The following GRID1 variants were observed in gnomAD, a reference collection of about 807,000 sequenced individuals.
GRID1 encodes glutamate ionotropic receptor delta type subunit 1, also known as glutamate receptor ionotropic, delta-1.
A neutral mutation model predicts 98.0 loss-of-function variants in GRID1; 28 were observed. That is an observed-to-expected ratio of 0.29 (90% CI 0.21 to 0.39). GRID1 has a LOEUF of 0.39. Ranked by LOEUF, GRID1 falls within the 10% of genes least tolerant of loss-of-function variation. The probability of loss-of-function intolerance (pLI) is 1.00; values close to 1 mark genes in which losing one functional copy is unlikely to be tolerated. For synonymous variants in GRID1, 553 were observed against 538.5 expected, an observed-to-expected ratio of 1.03 and a Z score of -0.37; for missense variants, 1,111 against 1,340.5, an observed-to-expected ratio of 0.83 and a Z score of 2.67.
At chr10:85,677,984 G>C (rs954320460) in intron 12 of GRID1, among the ~76,000 whole-genome samples, 1 of 152,038 alleles carries the variant, frequency 6.6e-6, no homozygotes, top group Non-Finnish European at 1.5e-5. Flanking sequence ...CAGAAGAAGG[G>C]ATTTAACTGG....
At chr10:85,824,684 C>T (rs1408548995) in intron 8 of GRID1, among the ~76,000 whole-genome samples, 1 of 152,070 alleles carries the variant, frequency 6.6e-6, no homozygotes, top group Non-Finnish European at 1.5e-5. Flanking sequence ...TTTTATCCCT[C>T]ACCACCCCCC....
intron 15 of GRID1, among the ~76,000 whole-genome samples, chr10:85,609,339 G>T (rs1842707668): frequency 6.6e-6 from 1 of 152,220 alleles, no homozygotes; most frequent in South Asian, 2.1e-4. Context: ...TTTGGATAGA[G>T]TAGCCCCTTG....
At chr10:86,274,713 G>C (rs568168646) in intron 2 of GRID1, among the ~76,000 whole-genome samples, 7 of 151,792 alleles carry the variant, frequency 4.6e-5, no homozygotes, top group South Asian at 2.1e-4. Context: ...CTCTCTGTTT[G>C]TCTGTTATTG....
intron 12 of GRID1, among the ~76,000 whole-genome samples, chr10:85,710,685 G>T (rs1841571984): frequency 6.6e-6 from 1 of 151,972 alleles, no homozygotes; most frequent in South Asian, 2.1e-4. Context: ...CCTGCTAATA[G>T]AAAAATATTT....
chr10:86,069,641 C>T (rs1843773831), intron 4 of GRID1, among the ~76,000 whole-genome samples: 1 of 152,138 alleles, frequency 6.6e-6, no homozygotes, highest in South Asian at 2.1e-4. Flanking sequence ...GAGTGAGACT[C>T]CGTCTCTAAA....
chr10:85,646,900 C>A, intron 13 of GRID1: 1 of 404,324 alleles, frequency 2.5e-6, no homozygotes, highest in Non-Finnish European at 4.6e-6. Context: ...TTGTTCTCAC[C>A]TCGGGTGGAC....
chr10:86,216,077 G>A lies in GRID1; in HGVS notation c.236-9429C>T, dbSNP rs78112649. ...GCCTTTCACACTTCCACTCACTCCC[G>A]AAAATCCACCTCAAATGCCTCTTGC... On this transcript the variant is annotated intron_variant, in intron 2 of 15. Transcript: ENST00000327946. Among the ~76,000 whole-genome samples, 1,487 of 152,172 alleles carry A rather than the reference G, an allele frequency of 9.8e-3. 21 individuals carry two copies. Among genetic ancestry groups the A allele is most frequent in the African/African-American group, 0.031 (1,300 of 41,504 alleles).
intron 4 of GRID1, among the ~76,000 whole-genome samples, chr10:85,980,149 T>C (rs1402847699): frequency 6.6e-6 from 1 of 152,204 alleles, no homozygotes; most frequent in Admixed American, 6.5e-5. Flanking sequence ...CTAGACCTGA[T>C]AACAATGAAT....
At chr10:85,911,742 G>A (rs1220588785) in intron 5 of GRID1, among the ~76,000 whole-genome samples, 1 of 152,192 alleles carries the variant, frequency 6.6e-6, no homozygotes, top group Non-Finnish European at 1.5e-5. Flanking sequence ...CAAGAGGCTG[G>A]AGAGTCATAC....
rs890156695 is a variant in GRID1 at position 86,195,770 on chromosome 10, C to G, written c.520+10594G>C. 6.6e-6 allele frequency among the ~76,000 whole-genome samples: 1 copy of G among 152,104 alleles called. No individual in the cohort carries two copies. The highest frequency in any genetic ancestry group is 1.9e-4 in the East Asian group (1 of 5,186). ...TGGGCGTGACCCCCACCTTTTGGTT[C>G]TAAGTGGCCTTGTCACCACTCCCAG... is the stretch of plus-strand genomic sequence containing the variant. On this transcript the variant is annotated intron_variant, in intron 3 of 15. Coordinates refer to ENST00000327946, the MANE Select transcript of GRID1 (RefSeq NM_017551.3). This position sits in a 1 kb window ranked among gnomAD's most constrained non-coding sequence, Gnocchi z 4.4.
At chr10:85,828,230 TGAAAC>T (rs1842836954) in intron 8 of GRID1, among the ~76,000 whole-genome samples, 3 of 152,116 alleles carry the variant, frequency 2.0e-5, no homozygotes, top group African/African-American at 7.2e-5. Context: ...AGAAATGATT[TGAAAC>T]TAATGAAAAT....
At chr10:86,163,944 C>A (rs1485730021) in intron 3 of GRID1, among the ~76,000 whole-genome samples, 1 of 152,200 alleles carries the variant, frequency 6.6e-6, no homozygotes, top group Non-Finnish European at 1.5e-5. Context: ...ATCACCCTGT[C>A]CATCTCAGAA....
intron 2 of GRID1, among the ~76,000 whole-genome samples, chr10:86,240,794 G>A (rs925709740): frequency 1.5e-4 from 23 of 152,192 alleles, no homozygotes; most frequent in Non-Finnish European, 2.2e-4. Context: ...CAATGCTGCC[G>A]CCAAGCAGTG....
intron 4 of GRID1, among the ~76,000 whole-genome samples, chr10:85,951,063 T>C (rs544299404): frequency 6.6e-6 from 1 of 152,196 alleles, no homozygotes; most frequent in South Asian, 2.1e-4. Flanking sequence ...TAGATCCCAC[T>C]CCTATCCCCG....
At chr10:86,351,458 C>T (rs1268706996) in intron 2 of GRID1, among the ~76,000 whole-genome samples, 1 of 152,202 alleles carries the variant, frequency 6.6e-6, no homozygotes, top group Non-Finnish European at 1.5e-5. Context: ...GTGAGGGCAG[C>T]ACAGGCCCCC....
intron 8 of GRID1, among the ~76,000 whole-genome samples, chr10:85,819,542 C>T (rs1219670553): frequency 6.6e-6 from 1 of 152,152 alleles, no homozygotes; most frequent in East Asian, 1.9e-4. Context: ...TATCATGTAT[C>T]CCCTGATATG....
chr10:85,866,193 T>C (rs1023223376), intron 6 of GRID1, among the ~76,000 whole-genome samples: 1 of 147,422 alleles, frequency 6.8e-6, no homozygotes, highest in Non-Finnish European at 1.5e-5. Flanking sequence ...ATGTGGACAG[T>C]AAGTGGTACA....
At chr10:85,773,026 A>T (rs2132714259) in intron 8 of GRID1, among the ~76,000 whole-genome samples, 1 of 152,330 alleles carries the variant, frequency 6.6e-6, no homozygotes, top group Non-Finnish European at 1.5e-5. Flanking sequence ...ACCAAAAAAG[A>T]CAATTTTAGA....
Position 85,600,438 on chromosome 10 carries a change from G to T in GRID1, c.*1835C>A, listed in dbSNP as rs1842558411. On this transcript the variant is annotated 3_prime_UTR_variant, in exon 16 of 16. Transcript: ENST00000327946. ...CTCAATCATGTCACTAGGGACTTTA[G>T]GAAAGAAATCAATCCTGGGCTAGTT... is the stretch of plus-strand genomic sequence containing the variant. 6.6e-6 allele frequency: 1 copy of T among 152,188 alleles called. No individual in the cohort carries two copies. The highest frequency in any genetic ancestry group is 2.4e-5 in the African/African-American group (1 of 41,448). 9.4% of individuals were successfully genotyped at this position (152,188 alleles called of 1,614,324 possible).
Sources: gnomAD v4.1 joint callset for allele counts (sites outside exome capture counted in the v4.1 genomes callset) on GRCh38, gnomAD v4.1.1 for gene constraint, Gnocchi (gnomAD v3.1) non-coding constraint, MANE v1.5 for transcripts, NCBI Gene and HGNC (gene_info 2026-07-23, HGNC 2026-07-21) for gene names.